LRP5: variants seen among roughly 807,000 people sequenced by gnomAD.
LRP5 encodes the protein low-density lipoprotein receptor-related protein 5.
Under a neutral mutation model 154.1 loss-of-function variants are expected in LRP5, and 62 were observed. The observed-to-expected ratio is 0.40, with a 90% CI of 0.33 to 0.50. The LOEUF is 0.50. LRP5 is among the 20% of genes least tolerant of loss of function. The pLI, the probability that LRP5 is intolerant of heterozygous loss-of-function variation, is 0.55. For synonymous variants in LRP5, 966 were observed against 1,011.5 expected, an observed-to-expected ratio of 0.96 and a Z score of 0.85; for missense variants, 1,915 against 2,336.7, an observed-to-expected ratio of 0.82 and a Z score of 3.72.
chr11:68,355,369 C>T (rs1213261557), intron 2 of LRP5, among the ~76,000 whole-genome samples: 1 of 152,150 alleles, frequency 6.6e-6, no homozygotes, highest in East Asian at 1.9e-4. Flanking sequence ...GGAGTCAGCA[C>T]CATTTTACAA....
chr11:68,312,732 C>T lies in LRP5; in HGVS notation c.18C>T (p.Pro6=), dbSNP rs1334141997. 7.6e-6 allele frequency: 8 copies of T among 1,052,518 alleles called. No homozygotes were observed. The highest frequency in any genetic ancestry group is 5.0e-5 in the Admixed American group (1 of 19,956). 65.2% of individuals were successfully genotyped at this position (1,052,518 alleles called of 1,614,324 possible). A position where few individuals can be genotyped will look rare whatever the true frequency, so the allele number is the denominator to read the frequency against. MEAAP[P]GPPWPLLLLL... ...CGGACAACATGGAGGCAGCGCCGCC[C>T]GGGCCGCCGTGGCCGCTGCTGCTGC... The change falls in exon 1 of 23, where the codon CCC becomes CCT. Residue 6 remains proline, a synonymous_variant. Transcript: ENST00000294304.
At chr11:68,370,155 T>A (rs2098633231) in intron 5 of LRP5, among the ~76,000 whole-genome samples, 1 of 152,114 alleles carries the variant, frequency 6.6e-6, no homozygotes, top group African/African-American at 2.4e-5. Flanking sequence ...AGGCAGGGGC[T>A]ATAGACTTAG....
chr11:68,356,089 C>G (rs149887504), intron 2 of LRP5, among the ~76,000 whole-genome samples: 4,931 of 151,630 alleles, frequency 0.033, 300 homozygotes, highest in African/African-American at 0.11. Context: ...CGTGATCCGC[C>G]CATCTCGGCC....
chr11:68,395,300 C>CAA (rs1239981628), intron 7 of LRP5, among the ~76,000 whole-genome samples: 3,488 of 75,714 alleles, frequency 0.046, 86 homozygotes, highest in Non-Finnish European at 0.072. Flanking sequence ...GACTCCATCT[C>CAA]AAAAAAAAAA....
At chr11:68,305,403 A>G in the LRP5 span, among the ~76,000 whole-genome samples, 1 of 151,482 alleles carries the variant, frequency 6.6e-6, no homozygotes, top group African/African-American at 2.4e-5. Context: ...GAGCCAGTTA[A>G]CCCCTTTCTT....
chr11:68,339,716 C>CGTTT (rs2098607832), intron 1 of LRP5, among the ~76,000 whole-genome samples: 1 of 152,162 alleles, frequency 6.6e-6, no homozygotes, highest in Admixed American at 6.5e-5. Flanking sequence ...GAATAGACTA[C>CGTTT]GTTTCATTTA....
chr11:68,379,566 C>T (rs2098639181), intron 5 of LRP5, among the ~76,000 whole-genome samples: 1 of 152,180 alleles, frequency 6.6e-6, no homozygotes, highest in African/African-American at 2.4e-5. Flanking sequence ...TGAGAAGTTA[C>T]CAATTTCCAC....
chr11:68,333,301 G>T (rs1425773781), intron 1 of LRP5, among the ~76,000 whole-genome samples: 1 of 152,186 alleles, frequency 6.6e-6, no homozygotes, highest in East Asian at 1.9e-4. Context: ...GAGAAGCTAA[G>T]GTATGGTTTT....
chr11:68,376,093 C>T (rs1027335107), intron 5 of LRP5, among the ~76,000 whole-genome samples: 1 of 150,096 alleles, frequency 6.7e-6, no homozygotes, highest in African/African-American at 2.5e-5. Context: ...GCCACTGCAG[C>T]GGTCATGGTC....
chr11:68,401,035 G>T lies in LRP5; in HGVS notation c.1585-2448G>T, dbSNP rs545065407. ...CCCTCCCCCAGCCCTGTTATTGTGA[G>T]TGGAAGAAGGGGAAAGGGTTCGCCC... On this transcript the variant is annotated intron_variant, in intron 7 of 22. Transcript: ENST00000294304. 2.6e-5 allele frequency among the ~76,000 whole-genome samples: 4 copies of T among 152,338 alleles called. No homozygotes were observed. The East Asian group carries it at 7.7e-4, about 29-fold the overall frequency.
At position 68,316,606 on chromosome 11, in the gene LRP5, A is replaced by G. The variant is rs555618997; in HGVS notation, c.91+3801A>G. 4.6e-5 allele frequency among the ~76,000 whole-genome samples: 7 copies of G among 152,212 alleles called. No individual in the cohort carries two copies. The South Asian group carries it at 6.2e-4, about 14-fold the overall frequency. On this transcript the variant is annotated intron_variant, in intron 1 of 22. Transcript: ENST00000294304. ...CCTTTTTGTGGCTGAATAATATTCC[A>G]TTGTGTGGAGGGACCACATTATATT...
At chr11:68,408,967 T>G (rs1195551677) in intron 9 of LRP5, among the ~76,000 whole-genome samples, 1 of 148,330 alleles carries the variant, frequency 6.7e-6, no homozygotes, top group African/African-American at 2.5e-5. Flanking sequence ...GAGGATTGCT[T>G]GAGCCCCAGG....
chr11:68,381,441 T>G (rs1263221215), intron 5 of LRP5, among the ~76,000 whole-genome samples: 1 of 151,978 alleles, frequency 6.6e-6, no homozygotes, highest in African/African-American at 2.4e-5. Flanking sequence ...TGGGATGGCT[T>G]TTTTGTTTTG....
In LRP5 at chr11:68,423,370, C is replaced by T; in HGVS notation, c.3028-119C>T. Reference sequence around the variant, plus strand: ...CTCTCCAGCCAGTGCCCAGGGCTCTCCAGCCAGTGCCCGGGGGTCTCCACC... The same window carrying T: ...CTCTCCAGCCAGTGCCCAGGGCTCTTCAGCCAGTGCCCGGGGGTCTCCACC... On this transcript the variant is annotated intron_variant, in intron 13 of 22. Transcript: ENST00000294304. This position sits in a 1 kb window ranked among gnomAD's most constrained non-coding sequence, Gnocchi z 4.7. The T allele has an allele frequency of 1.1e-6, 1 of 915,352 alleles. No individual in the cohort carries two copies. Among genetic ancestry groups the T allele is most frequent in the Non-Finnish European group, 1.8e-6 (1 of 550,130 alleles). The allele number at this position is 915,352 out of a possible 1,614,324, so 56.7% of individuals were successfully genotyped here. A position where few individuals can be genotyped will look rare whatever the true frequency, so the allele number is the denominator to read the frequency against.
At chr11:68,305,667 T>G in the LRP5 span, among the ~76,000 whole-genome samples, 2 of 152,184 alleles carry the variant, frequency 1.3e-5, no homozygotes, top group Non-Finnish European at 2.9e-5. Context: ...GGTCTTGAAC[T>G]CCTGACCTCA....
In LRP5 at chr11:68,341,059, C is replaced by CCTTTTTTTTTTTTTTTTTTT. The variant is rs1555071026; in HGVS notation, c.92-6788_92-6787insCTTTTTTTTTTTTTTTTTTT. Among the ~76,000 whole-genome samples the CCTTTTTTTTTTTTTTTTTTT allele has an allele frequency of 3.6e-4, 30 of 83,476 alleles. 1 individual carries two copies. Among genetic ancestry groups the CCTTTTTTTTTTTTTTTTTTT allele is most frequent in the African/African-American group, 1.3e-3 (27 of 21,016 alleles). 54.8% of individuals were successfully genotyped at this position (83,476 alleles called of 152,430 possible). ...GTTACCCCTGCCGCTGGAGATTGTT[C>CCTTTTTTTTTTTTTTTTTTT]TTTTTTTTTTTTTTTTTTTGCTATT... On this transcript the variant is annotated intron_variant, in intron 1 of 22. Coordinates refer to ENST00000294304, the MANE Select transcript of LRP5 (RefSeq NM_002335.4).
At chr11:68,389,054 G>GACACTGACATTTACCA (rs1179535240) in intron 6 of LRP5, among the ~76,000 whole-genome samples, 1 of 111,612 alleles carries the variant, frequency 9.0e-6, no homozygotes, top group South Asian at 3.2e-4. Flanking sequence ...GACATTTACC[G>GACACTGACATTTACCA]ACACTGACAT....
chr11:68,395,055 C>CT (rs1184873795), intron 7 of LRP5, among the ~76,000 whole-genome samples: 6 of 152,148 alleles, frequency 3.9e-5, no homozygotes, highest in African/African-American at 1.4e-4. Context: ...AATCCCAACA[C>CT]TTTGGAAAGC....
At chr11:68,326,911 C>T (rs1487781719) in intron 1 of LRP5, among the ~76,000 whole-genome samples, 1 of 152,198 alleles carries the variant, frequency 6.6e-6, no homozygotes, top group Non-Finnish European at 1.5e-5. Flanking sequence ...GTGGCTTCAG[C>T]GCTCTGTACC....
Sources: allele counts gnomAD v4.1 joint callset (sites outside exome capture counted in the v4.1 genomes callset), GRCh38; gene constraint gnomAD v4.1.1; non-coding constraint Gnocchi (gnomAD v3.1); transcripts MANE v1.5; gene names NCBI Gene and HGNC (gene_info 2026-07-23, HGNC 2026-07-21).